Variants in MPPED2 observed in about 807,000 individuals in gnomAD.
The protein encoded by MPPED2 is metallophosphoesterase domain containing 2, also known as metallophosphoesterase MPPED2.
In MPPED2, 5 loss-of-function variants were observed where a neutral mutation model predicts 33.0. That is an observed-to-expected ratio of 0.15 (90% CI 0.08 to 0.32). The LOEUF is 0.32. MPPED2 is among the 10% of genes least tolerant of loss of function. The probability of loss-of-function intolerance (pLI) is 1.00; values close to 1 mark genes in which losing one functional copy is unlikely to be tolerated. For synonymous variants in MPPED2, 136 were observed against 141.9 expected (o/e 0.96, Z 0.29); for missense variants, 275 against 372.1 (o/e 0.74, Z 2.15).
chr11:30,412,024 G>A (rs1363808328), intron 6 of MPPED2, among the ~76,000 whole-genome samples: 4 of 151,794 alleles, frequency 2.6e-5, no homozygotes, highest in Non-Finnish European at 5.9e-5. Flanking sequence ...GGTGAGGGGG[G>A]AAAGGATACT....
At chr11:30,449,519 C>A (rs1254292521) in intron 4 of MPPED2, among the ~76,000 whole-genome samples, 1 of 147,604 alleles carries the variant, frequency 6.8e-6, no homozygotes, top group Non-Finnish European at 1.5e-5. Context: ...TGGCGTGCGC[C>A]TGAGTCCCAG....
At chr11:30,458,000 C>A (rs548823895) in intron 4 of MPPED2, among the ~76,000 whole-genome samples, 2 of 152,282 alleles carry the variant, frequency 1.3e-5, no homozygotes, top group Admixed American at 6.5e-5. Context: ...GAAATGGAGC[C>A]CCACATACGA....
intron 4 of MPPED2, among the ~76,000 whole-genome samples, chr11:30,437,480 C>T (rs950612799): frequency 6.6e-6 from 1 of 152,144 alleles, no homozygotes; most frequent in African/African-American, 2.4e-5. Context: ...TTGGAAGGGG[C>T]TACTCTCTGT....
At chr11:30,540,631 A>T (rs1565166716) in intron 2 of MPPED2, among the ~76,000 whole-genome samples, 1 of 152,076 alleles carries the variant, frequency 6.6e-6, no homozygotes, top group Non-Finnish European at 1.5e-5. Context: ...AATAACATCT[A>T]CCACTCACTC....
chr11:30,469,315 T>C (rs1023454478), intron 4 of MPPED2, among the ~76,000 whole-genome samples: 1 of 152,144 alleles, frequency 6.6e-6, no homozygotes, highest in Non-Finnish European at 1.5e-5. Flanking sequence ...TGAATAGTAA[T>C]GACAACAATA....
intron 4 of MPPED2, among the ~76,000 whole-genome samples, chr11:30,452,347 A>ACGAT (rs1950098652): frequency 6.6e-6 from 1 of 152,150 alleles, no homozygotes; most frequent in Non-Finnish European, 1.5e-5. Flanking sequence ...TGGCTTAAAC[A>ACGAT]CGATCGTGTC....
At chr11:30,408,572 A>T (rs1473444627), downstream of MPPED2, among the ~76,000 whole-genome samples, 1 of 152,068 alleles carries the variant, frequency 6.6e-6, no homozygotes, top group African/African-American at 2.4e-5. Context: ...AGCCTCCCAA[A>T]GTGCTGGGAT....
chr11:30,497,924 T>C (rs1460235964), intron 3 of MPPED2, among the ~76,000 whole-genome samples: 1 of 152,206 alleles, frequency 6.6e-6, no homozygotes, highest in Non-Finnish European at 1.5e-5. Flanking sequence ...CTATCCTCTG[T>C]TACCGATGTT....
chr11:30,542,210 G>T (rs1955158074), intron 2 of MPPED2, among the ~76,000 whole-genome samples: 1 of 152,104 alleles, frequency 6.6e-6, no homozygotes, highest in Non-Finnish European at 1.5e-5. Flanking sequence ...TTTGTTAGAT[G>T]CTTAATAGTT....
chr11:30,480,912 G>A (rs969510872), intron 4 of MPPED2, among the ~76,000 whole-genome samples: 1 of 152,008 alleles, frequency 6.6e-6, no homozygotes, highest in African/African-American at 2.4e-5. Context: ...CCACAGGTAG[G>A]TCAGTTTTTG....
intron 3 of MPPED2, among the ~76,000 whole-genome samples, chr11:30,507,585 A>C (rs1168201507): frequency 6.6e-6 from 1 of 152,190 alleles, no homozygotes; most frequent in Non-Finnish European, 1.5e-5. Flanking sequence ...GGTTATTTTG[A>C]TCAATAGTGG....
chr11:30,518,557 C>T (rs768581159), intron 3 of MPPED2, among the ~76,000 whole-genome samples: 28 of 152,134 alleles, frequency 1.8e-4, no homozygotes, highest in Non-Finnish European at 2.4e-4. Context: ...ATCACTGTGT[C>T]CATACTTAAA....
At chr11:30,531,029 A>G (rs1030669797) in intron 3 of MPPED2, among the ~76,000 whole-genome samples, 3 of 152,198 alleles carry the variant, frequency 2.0e-5, no homozygotes, top group Non-Finnish European at 4.4e-5. Context: ...TGGGATTGGT[A>G]TGCATTTTTG....
At chr11:30,387,059 TG>T (rs1947712110) in exon 7 of MPPED2, 3 of 317,334 alleles carry the variant, frequency 9.5e-6, no homozygotes, top group Non-Finnish European at 1.7e-5. Context: ...CTGCACAGCG[TG>T]CACGCATATA....
At chr11:30,504,746 G>A in intron 3 of MPPED2, 2 of 1,283,574 alleles carry the variant, frequency 1.6e-6, no homozygotes, top group Non-Finnish European at 2.0e-6. Context: ...ACTTGCTGAT[G>A]GAGCCACACA....
At chr11:30,537,238 T>C (rs1013430629) in intron 2 of MPPED2, among the ~76,000 whole-genome samples, 2 of 152,222 alleles carry the variant, frequency 1.3e-5, no homozygotes, top group Non-Finnish European at 2.9e-5. Context: ...TTAATTTCTC[T>C]GTAGGAATGT....
intron 4 of MPPED2, among the ~76,000 whole-genome samples, chr11:30,434,669 T>C (rs571477070): frequency 1.3e-5 from 2 of 152,244 alleles, no homozygotes; most frequent in East Asian, 3.9e-4. Flanking sequence ...ATAATAATAG[T>C]GATATTTAAA....
Position 30,411,322 on chromosome 11 carries a change from A to G in MPPED2, c.*146T>C. 7.8e-7 allele frequency: 1 copy of G among 1,285,762 alleles called. No homozygotes were observed. The highest frequency in any genetic ancestry group is 3.5e-5 in the Admixed American group (1 of 28,916). The allele number at this position is 1,285,762 out of a possible 1,614,324, so 79.6% of individuals were successfully genotyped here. A position where few individuals can be genotyped will look rare whatever the true frequency, so the allele number is the denominator to read the frequency against. On this transcript the variant is annotated 3_prime_UTR_variant, in exon 7 of 7. Transcript: ENST00000358117. ...CCATTTAAAATAAAATAAAATAAGA[A>G]GCACAACCTCTAGCATCATTTGTGT...
intron 6 of MPPED2, among the ~76,000 whole-genome samples, chr11:30,400,298 A>T (rs966940648): frequency 2.0e-5 from 3 of 151,474 alleles, no homozygotes; most frequent in African/African-American, 4.9e-5. Flanking sequence ...CTGGTCTTGA[A>T]CTCCTGGCCT....
Sources: gnomAD v4.1 joint callset for allele counts (sites outside exome capture counted in the v4.1 genomes callset) on GRCh38, gnomAD v4.1.1 for gene constraint, MANE v1.5 for transcripts, NCBI Gene and HGNC (gene_info 2026-07-23, HGNC 2026-07-21) for gene names.